The following NEB variants were observed in gnomAD, a reference collection of about 807,000 sequenced individuals.
NEB encodes nebulin.
A neutral mutation model predicts 952.2 loss-of-function variants in NEB; 512 were observed. The observed-to-expected ratio is 0.54, with a 90% CI of 0.50 to 0.58. The LOEUF is 0.58. Ranked by LOEUF, NEB falls within the 20% of genes least tolerant of loss-of-function variation. The pLI is 0.00. For missense variants in NEB, 8,428 were observed against 9,231.1 expected (o/e 0.91, Z 3.56); for synonymous variants, 2,900 against 3,149.8 (o/e 0.92, Z 2.66).
At chr2:151,727,067 A>C (rs995712135) in intron 5 of NEB, among the ~76,000 whole-genome samples, 15 of 151,954 alleles carry the variant, frequency 9.9e-5, no homozygotes, top group East Asian at 3.9e-4. Context: ...AAAAAAAAAA[A>C]AAACCTTTCT....
At chr2:151,710,631 A>G (rs2099742188) in intron 10 of NEB, 93 bp from the exon 11 acceptor site, 4 of 762,310 alleles carry the variant, frequency 5.2e-6, no homozygotes, top group Non-Finnish European at 6.1e-6. Context: ...TTTTAAAAAT[A>G]TCTTCAGCAA....
At position 151,709,740 on chromosome 2, in the gene NEB, T is replaced by A; in HGVS notation, c.951A>T (p.Glu317Asp). ...TGAAGTAGATCTGGTCTTTCATGTTTTCAAAATCTTCCTGGTATTTCCTCT... is the reference window on the plus strand; with the variant it reads ...TGAAGTAGATCTGGTCTTTCATGTTATCAAAATCTTCCTGGTATTTCCTCT... Reference protein sequence around the residue: ...ISTRKYQEDFENMKDQIYFMQ... With the variant: ...ISTRKYQEDFDNMKDQIYFMQ... The change falls in exon 12 of 182, where the codon GAA becomes GAT. Residue 317 changes from glutamate (E) to aspartate (D), a missense_variant. Coordinates refer to ENST00000397345, the MANE Select transcript of NEB (RefSeq NM_001164508.2). The A allele has an allele frequency of 6.2e-7, 1 of 1,602,062 alleles. No homozygotes were observed. Among genetic ancestry groups the A allele is most frequent in the Non-Finnish European group, 8.5e-7 (1 of 1,173,354 alleles).
At chr2:151,696,187 T>A (rs114650981) in intron 17 of NEB, among the ~76,000 whole-genome samples, 92 of 152,330 alleles carry the variant, frequency 6.0e-4, no homozygotes, top group African/African-American at 2.1e-3. Flanking sequence ...AGATTCCAAT[T>A]TCCAGAAACT....
intron 63 of NEB, among the ~76,000 whole-genome samples, chr2:151,637,584 G>C (rs1349202975): frequency 6.6e-6 from 1 of 152,198 alleles, no homozygotes; most frequent in Admixed American, 6.5e-5. Flanking sequence ...GCAAAATGGG[G>C]AAGGGCACCT....
Position 151,526,949 on chromosome 2 carries a change from A to T in NEB, c.21914T>A (p.Leu7305His). Residue 7305 changes from leucine to histidine, a missense_variant, in exon 148 of 182, where the codon CTC becomes CAC. Transcript: ENST00000397345. ...LSVTDDKNTV[L>H]ALRNTLIESD... ...TTCTATTAAAGTATTCCTGAGGGCG[A>T]GCACCGTGTTTTTGTCATCAGTGAC... 6.2e-7 allele frequency: 1 copy of T among 1,602,348 alleles called. No individual in the cohort carries two copies.
chr2:151,705,722 C>T (rs1436221323), intron 13 of NEB, among the ~76,000 whole-genome samples: 1 of 152,046 alleles, frequency 6.6e-6, no homozygotes, highest in Non-Finnish European at 1.5e-5. Flanking sequence ...ATATATACAG[C>T]ATGGAATGCT....
intron 3 of NEB, among the ~76,000 whole-genome samples, chr2:151,730,957 G>T (rs1185675466): frequency 1.3e-5 from 2 of 152,160 alleles, no homozygotes; most frequent in African/African-American, 4.8e-5. Context: ...ACAGGACAGA[G>T]ATTTGCTTTT....
Position 151,635,707 on chromosome 2 carries a change from C to CAA in NEB, c.9102+518_9102+519dup, listed in dbSNP as rs1292764660. Among the ~76,000 whole-genome samples the CAA allele has an allele frequency of 1.6e-3, 136 of 85,900 alleles. 1 individual carries two copies. The highest frequency in any genetic ancestry group is 4.3e-3 in the East Asian group (15 of 3,474). The allele number at this position is 85,900 out of a possible 152,430, so 56.4% of individuals were successfully genotyped here. On this transcript the variant is annotated intron_variant, in intron 64 of 181. Coordinates refer to ENST00000397345, the MANE Select transcript of NEB (RefSeq NM_001164508.2). ...GGCAACAAGAGCAAAACTCTGTCTC[C>CAA]AAAAAAAAAAAAAAAAAAAGAGTGT...
At chr2:151,722,454 A>T (rs954256677) in intron 9 of NEB, among the ~76,000 whole-genome samples, 2 of 150,190 alleles carry the variant, frequency 1.3e-5, no homozygotes, top group Non-Finnish European at 3.0e-5. Context: ...ATTTTTCACT[A>T]ACTGAAGTAT....
chr2:151,504,947 G>C (rs1397626682), intron 165 of NEB, among the ~76,000 whole-genome samples: 2 of 152,004 alleles, frequency 1.3e-5, no homozygotes, highest in Non-Finnish European at 2.9e-5. Context: ...AGAGAGCAAA[G>C]AATACAGGAG....
Position 151,626,991 on chromosome 2 carries a change from T to A in NEB, c.10347+11A>T, listed in dbSNP as rs1274770261. 12 of 1,613,240 alleles carry A rather than the reference T, an allele frequency of 7.4e-6. No individual in the cohort carries two copies. Among genetic ancestry groups the A allele is most frequent in the Non-Finnish European group, 1.0e-5 (12 of 1,179,348 alleles). ...AGCCCTGTCTTATTTTCCTACAAAT[T>A]GGGGGCTCACCTTGTTCATATTGAG... On this transcript the variant is annotated intron_variant, in intron 70 of 181. Coordinates refer to ENST00000397345, the MANE Select transcript of NEB (RefSeq NM_001164508.2).
At chr2:151,653,530 A>T (rs2099054279) in intron 52 of NEB, among the ~76,000 whole-genome samples, 1 of 152,192 alleles carries the variant, frequency 6.6e-6, no homozygotes, top group African/African-American at 2.4e-5. Context: ...AAGGTAATTT[A>T]TTACAATTAT....
intron 38 of NEB, 26 bp from the exon 39 acceptor site, chr2:151,669,157 CA>C: frequency 7.1e-7 from 1 of 1,404,028 alleles, no homozygotes; most frequent in Non-Finnish European, 9.9e-7. Flanking sequence ...ACAGCATGCA[CA>C]TATCATTAGC....
intron 114 of NEB, among the ~76,000 whole-genome samples, chr2:151,566,344 C>T (rs1296453245): frequency 1.3e-5 from 2 of 152,176 alleles, no homozygotes; most frequent in Non-Finnish European, 2.9e-5. Flanking sequence ...TTCTCCCAGC[C>T]AACTCGACAT....
intron 161 of NEB, among the ~76,000 whole-genome samples, chr2:151,509,127 T>TAAGTA (rs528861659): frequency 1.7e-4 from 26 of 152,312 alleles, no homozygotes; most frequent in Middle Eastern, 3.4e-3. Context: ...ATTACATTTA[T>TAAGTA]AAGTATTGAA....
At position 151,627,122 on chromosome 2, in the gene NEB, T is replaced by C; in HGVS notation, c.10227A>G (p.Arg3409=). ...TGTTATCACTCAGTATTTCAGCAGCTCTCTTGCACTTGACCACATCCATAG... is the reference window on the plus strand; with the variant it reads ...TGTTATCACTCAGTATTTCAGCAGCCCTCTTGCACTTGACCACATCCATAG... The part of the protein sequence containing the change: ...IGSMDVVKCK[R]AAEILSDNIY... Residue 3409 remains arginine, a synonymous_variant, in exon 70 of 182, where the codon AGA becomes AGG. Transcript: ENST00000397345. 2 of 1,613,914 alleles carry C rather than the reference T, an allele frequency of 1.2e-6. No homozygotes were observed. Among genetic ancestry groups the C allele is most frequent in the Non-Finnish European group, 1.7e-6 (2 of 1,179,854 alleles).
chr2:151,677,532 T>C lies in NEB; in HGVS notation c.3774+33A>G, dbSNP rs2154209331. ...TTACTTTTCTAAAAAGCTTCCTCCA[T>C]ATCCTCTGTCCTCTCTATTTTATTG... On this transcript the variant is annotated intron_variant, in intron 34 of 181. Coordinates refer to ENST00000397345, the MANE Select transcript of NEB (RefSeq NM_001164508.2). 2 of 1,525,814 alleles carry C rather than the reference T, an allele frequency of 1.3e-6. 1 individual carries two copies. Among genetic ancestry groups the C allele is most frequent in the Admixed American group, 3.7e-5 (2 of 53,690 alleles). The allele number at this position is 1,525,814 out of a possible 1,614,324, so 94.5% of individuals were successfully genotyped here. A position where few individuals can be genotyped will look rare whatever the true frequency, so the allele number is the denominator to read the frequency against.
chr2:151,723,367 T>C lies in NEB; in HGVS notation c.717+15A>G, dbSNP rs1183475257. On this transcript the variant is annotated intron_variant, in intron 9 of 181. Transcript: ENST00000397345. The stretch of plus-strand genomic sequence containing the variant: ...ACTCTGCACACCTAAGTGGTGCCAC[T>C]TGCATTTCACTTACATCACTGAGAG... The C allele has an allele frequency of 6.3e-7, 1 of 1,590,676 alleles. No homozygotes were observed. The highest frequency in any genetic ancestry group is 8.6e-7 in the Non-Finnish European group (1 of 1,165,416).
chr2:151,591,547 T>TA (rs2097267783), intron 95 of NEB, 92 bp from the exon 96 acceptor site: 6 of 1,036,404 alleles, frequency 5.8e-6, no homozygotes, highest in Non-Finnish European at 8.8e-6. Flanking sequence ...TATTTACAGT[T>TA]ACACTGAACA....
Sources: gnomAD v4.1 joint callset for allele counts (sites outside exome capture counted in the v4.1 genomes callset) on GRCh38, gnomAD v4.1.1 for gene constraint, MANE v1.5 for transcripts, NCBI Gene and HGNC (gene_info 2026-07-23, HGNC 2026-07-21) for gene names.